The following VCAM1 variants were observed in gnomAD, a reference collection of about 807,000 sequenced individuals.
The protein encoded by VCAM1 is vascular cell adhesion molecule 1.
A neutral mutation model predicts 63.8 loss-of-function variants in VCAM1; 41 were observed. That is an observed-to-expected ratio of 0.64 (90% CI 0.50 to 0.83). The LOEUF (loss-of-function observed/expected upper bound fraction) is 0.83, where lower values mean the gene tolerates loss of function less well. Ranked by LOEUF, VCAM1 falls within the 40% of genes least tolerant of loss-of-function variation. The pLI, the probability that VCAM1 is intolerant of heterozygous loss-of-function variation, is 0.00. For missense variants in VCAM1, 798 were observed against 875.5 expected (o/e 0.91, Z 1.12); for synonymous variants, 338 against 320.7 (o/e 1.05, Z -0.58).
intron 3 of VCAM1, 78 bp downstream of exon 3, chr1:100,723,418 AG>A: frequency 1.4e-6 from 2 of 1,417,724 alleles, no homozygotes; most frequent in South Asian, 1.4e-5. Flanking sequence ...TTAGCAGAAA[AG>A]TAAAAAAAAA....
chr1:100,737,027 T>G (rs750057309), intron 8 of VCAM1: 1 of 152,160 alleles, frequency 6.6e-6, no homozygotes, highest in Non-Finnish European at 1.5e-5. Flanking sequence ...ACTATCTTCT[T>G]CAGCTGCTCT....
In VCAM1 at chr1:100,723,197, T is replaced by C; in HGVS notation, c.518T>C (p.Leu173Pro). 1 of 1,613,176 alleles carries C rather than the reference T, an allele frequency of 6.2e-7. No individual in the cohort carries two copies. Among genetic ancestry groups the C allele is most frequent in the South Asian group, 1.1e-5 (1 of 91,066 alleles). The stretch of plus-strand genomic sequence containing the variant: ...CTGGAGGATGCAGACAGGAAGTCCC[T>C]GGAAACCAAGAGTTTGGAAGTAACC... ...EFLEDADRKSLETKSLEVTFT... is the reference protein window; with the variant it reads ...EFLEDADRKSPETKSLEVTFT... Residue 173 changes from leucine to proline, a missense_variant, in exon 3 of 9, where the codon CTG (leucine) becomes CCG (proline). Transcript: ENST00000294728.
chr1:100,729,360 G>C lies in VCAM1; in HGVS notation c.1182G>C (p.Lys394Asn), dbSNP rs1660346421. The change falls in exon 5 of 9, where the codon AAG becomes AAC. Residue 394 changes from lysine to asparagine, a missense_variant. Lys to Asn is a moderately conservative substitution (Grantham distance 94). Coordinates refer to ENST00000294728, the MANE Select transcript of VCAM1 (RefSeq NM_001078.4). ...TVTCGHKKLE[K>N]GIQVELYSFP... The stretch of plus-strand genomic sequence containing the variant: ...CTTGTGGACATAAGAAACTGGAAAA[G>C]GGAATCCAGGTGGAGCTCTACTGTA... 2 of 1,607,372 alleles carry C rather than the reference G, an allele frequency of 1.2e-6. No homozygotes were observed. The highest frequency in any genetic ancestry group is 1.7e-6 in the Non-Finnish European group (2 of 1,176,444).
rs1660301070 is a variant in VCAM1, at chr1:100,729,132, C to T, written c.954C>T (p.Ser318=). 6.2e-7 allele frequency: 1 copy of T among 1,603,168 alleles called. No homozygotes were observed. The highest frequency in any genetic ancestry group is 8.5e-7 in the Non-Finnish European group (1 of 1,173,396). ...VQEKPFTVEI[S]PGPRIAAQIG... ...AGAAACCATTTACTGTTGAGATCTCCCCTGGACCCCGGATTGCTGCTCAGA... is the reference window on the plus strand; with the variant it reads ...AGAAACCATTTACTGTTGAGATCTCTCCTGGACCCCGGATTGCTGCTCAGA... The change falls in exon 5 of 9, where the codon TCC becomes TCT. Residue 318 remains serine (S), a synonymous_variant. Coordinates refer to ENST00000294728, the MANE Select transcript of VCAM1 (RefSeq NM_001078.4).
Position 100,719,763 on chromosome 1 carries a change from A to T in VCAM1, c.-98A>T. The T allele has an allele frequency of 1.6e-6, 2 of 1,253,328 alleles. No homozygotes were observed. Among genetic ancestry groups the T allele is most frequent in the Middle Eastern group, 2.0e-4 (1 of 5,068 alleles). The allele number at this position is 1,253,328 out of a possible 1,614,324, so 77.6% of individuals were successfully genotyped here. ...CTCCGCGGTATCTGCATCGGGCCTC[A>T]CTGGCTTCAGGAGCTGAATACCCTC... On this transcript the variant is annotated 5_prime_UTR_variant, in exon 1 of 9. Transcript: ENST00000294728.
intron 7 of VCAM1, 85 bp from the exon 8 acceptor site, chr1:100,734,417 G>GA: frequency 1.4e-6 from 2 of 1,421,906 alleles, no homozygotes; most frequent in African/African-American, 2.9e-5. Flanking sequence ...TAGCTCCAGG[G>GA]AAGCTATTGT....
Position 100,738,422 on chromosome 1 carries a change from A to C in VCAM1, c.*139A>C. The C allele has an allele frequency of 1.0e-6, 1 of 983,056 alleles. No homozygotes were observed. Among genetic ancestry groups the C allele is most frequent in the Non-Finnish European group, 1.5e-6 (1 of 685,018 alleles). The allele number at this position is 983,056 out of a possible 1,614,324, so 60.9% of individuals were successfully genotyped here. On this transcript the variant is annotated 3_prime_UTR_variant, in exon 9 of 9. Transcript: ENST00000294728. ...TGAACTTGGAAAGAAATGCCCATCT[A>C]TGTCCCTTGCTGTGAGCAAGAAGTC...
intron 2 of VCAM1, among the ~76,000 whole-genome samples, chr1:100,721,167 A>G (rs999423202): frequency 6.6e-6 from 1 of 152,086 alleles, no homozygotes; most frequent in Non-Finnish European, 1.5e-5. Context: ...ATGCAATTTG[A>G]TGCTTAAAAT....
chr1:100,720,446 A>G, intron 1 of VCAM1, 30 bp from the exon 2 acceptor site: 1 of 1,595,216 alleles, frequency 6.3e-7, no homozygotes, highest in Non-Finnish European at 8.6e-7. Flanking sequence ...CTAGTGGTAA[A>G]TTTGCTTCTG....
chr1:100,734,488 A>G lies in VCAM1; in HGVS notation c.1793-14A>G. Reference sequence around the variant, plus strand: ...TTCACTCAATCAGGGATGTCTTTTAAATTCTCTTTACAGTTACTCCAAAAG... The same window carrying G: ...TTCACTCAATCAGGGATGTCTTTTAGATTCTCTTTACAGTTACTCCAAAAG... On this transcript the variant is annotated splice_polypyrimidine_tract_variant and intron_variant, in intron 7 of 8. Transcript: ENST00000294728. 1 of 1,599,556 alleles carries G rather than the reference A, an allele frequency of 6.3e-7. No homozygotes were observed. The highest frequency in any genetic ancestry group is 8.5e-7 in the Non-Finnish European group (1 of 1,174,478).
Position 100,734,763 on chromosome 1 carries a change from T to C in VCAM1, c.2054T>C (p.Val685Ala). 6.2e-7 allele frequency: 1 copy of C among 1,613,028 alleles called. No homozygotes were observed. The highest frequency in any genetic ancestry group is 8.5e-7 in the Non-Finnish European group (1 of 1,179,382). ...CAATTAAGAAGTTTAACACTTGATG[T>C]TCAAGGTGAGTTTGTTTTGAGTTTT... is the stretch of plus-strand genomic sequence containing the variant. ...GSQLRSLTLDVQGRENNKDYF... is the reference protein window; with the variant it reads ...GSQLRSLTLDAQGRENNKDYF... The change falls in exon 8 of 9, where the codon GTT becomes GCT. Residue 685 changes from valine to alanine, a missense_variant. Coordinates refer to ENST00000294728, the MANE Select transcript of VCAM1 (RefSeq NM_001078.4).
At chr1:100,720,991 C>T (rs1659934435) in intron 2 of VCAM1, among the ~76,000 whole-genome samples, 1 of 151,978 alleles carries the variant, frequency 6.6e-6, no homozygotes, top group Non-Finnish European at 1.5e-5. Flanking sequence ...AAGACTCAAC[C>T]TCTCTGGGCT....
chr1:100,728,812 G>C (rs1282645761), intron 4 of VCAM1, among the ~76,000 whole-genome samples: 1 of 151,478 alleles, frequency 6.6e-6, no homozygotes, highest in African/African-American at 2.4e-5. Flanking sequence ...ACAGTGATTT[G>C]ATAAACTACA....
At position 100,738,436 on chromosome 1, in the gene VCAM1, G is replaced by C; in HGVS notation, c.*153G>C. On this transcript the variant is annotated 3_prime_UTR_variant, in exon 9 of 9. Coordinates refer to ENST00000294728, the MANE Select transcript of VCAM1 (RefSeq NM_001078.4). ...AATGCCCATCTATGTCCCTTGCTGTGAGCAAGAAGTCAAAGTAAAACTTGC... is the reference window on the plus strand; with the variant it reads ...AATGCCCATCTATGTCCCTTGCTGTCAGCAAGAAGTCAAAGTAAAACTTGC... 1 of 818,786 alleles carries C rather than the reference G, an allele frequency of 1.2e-6. No homozygotes were observed. Among genetic ancestry groups the C allele is most frequent in the Non-Finnish European group, 1.8e-6 (1 of 561,482 alleles). 50.7% of individuals were successfully genotyped at this position (818,786 alleles called of 1,614,324 possible).
rs3176872 is a variant in VCAM1 at position 100,731,888 on chromosome 1, T to C, written c.1525+370T>C. On this transcript the variant is annotated intron_variant, in intron 6 of 8. Transcript: ENST00000294728. The surrounding 1 kb of genome is among the most constrained non-coding windows in gnomAD (Gnocchi z 4.2). ...GGATGACTTGGCCTCTCTTTCTTTATGTGGTGTCACCCTGAGGAACAGTAG... is the reference window on the plus strand; with the variant it reads ...GGATGACTTGGCCTCTCTTTCTTTACGTGGTGTCACCCTGAGGAACAGTAG... 7.0e-4 allele frequency among the ~76,000 whole-genome samples: 106 copies of C among 152,288 alleles called. No homozygotes were observed. Among genetic ancestry groups the C allele is most frequent in the African/African-American group, 2.5e-3 (104 of 41,574 alleles).
rs368936799 is a variant in VCAM1, at chr1:100,726,607, T to C, written c.928+1717T>C. On this transcript the variant is annotated intron_variant, in intron 4 of 8. Transcript: ENST00000294728. Reference sequence around the variant, plus strand: ...CCAGACTGTGTCAGACCAAACTACATATTCTTTCTTTCGTGTACACTCAAC... The same window carrying C: ...CCAGACTGTGTCAGACCAAACTACACATTCTTTCTTTCGTGTACACTCAAC... Among the ~76,000 whole-genome samples the C allele has an allele frequency of 7.9e-5, 12 of 152,150 alleles. No homozygotes were observed. In the South Asian group the frequency reaches 1.9e-3, roughly 24 times the overall value.
In VCAM1 at chr1:100,738,833, C is replaced by T. The variant is rs1174035743; in HGVS notation, c.*550C>T. 6.6e-6 allele frequency: 1 copy of T among 152,338 alleles called. No homozygotes were observed. The highest frequency in any genetic ancestry group is 1.9e-4 in the East Asian group (1 of 5,202). The allele number at this position is 152,338 out of a possible 1,614,324, so 9.4% of individuals were successfully genotyped here. On this transcript the variant is annotated 3_prime_UTR_variant, in exon 9 of 9. Transcript: ENST00000294728. ...ATAAGCAAAGGGAGCACTGGGTTGACTTTCAGGTACTAAATACCTCAACCT... is the reference window on the plus strand; with the variant it reads ...ATAAGCAAAGGGAGCACTGGGTTGATTTTCAGGTACTAAATACCTCAACCT...
chr1:100,731,763 T>C lies in VCAM1; in HGVS notation c.1525+245T>C, dbSNP rs948214278. 6.6e-6 allele frequency among the ~76,000 whole-genome samples: 1 copy of C among 152,166 alleles called. No individual in the cohort carries two copies. The highest frequency in any genetic ancestry group is 1.5e-5 in the Non-Finnish European group (1 of 68,028). On this transcript the variant is annotated intron_variant, in intron 6 of 8. Coordinates refer to ENST00000294728, the MANE Select transcript of VCAM1 (RefSeq NM_001078.4). The surrounding 1 kb of genome is among the most constrained non-coding windows in gnomAD (Gnocchi z 4.2). ...GGGACCAGCTAGGCAGTTATTCTGT[T>C]CAATATGGTATTAGCTGAGCTCACT...
chr1:100,724,259 A>G (rs1660082767), intron 3 of VCAM1, among the ~76,000 whole-genome samples: 1 of 152,044 alleles, frequency 6.6e-6, no homozygotes, highest in South Asian at 2.1e-4. Context: ...TCCAAAAATC[A>G]AATTGACTCT....
Sources: allele counts gnomAD v4.1 joint callset (sites outside exome capture counted in the v4.1 genomes callset), GRCh38; gene constraint gnomAD v4.1.1; non-coding constraint Gnocchi (gnomAD v3.1); transcripts MANE v1.5; gene names NCBI Gene and HGNC (gene_info 2026-07-23, HGNC 2026-07-21).